Variants in COX7B2 observed in about 807,000 individuals in gnomAD.
The protein encoded by COX7B2 is cytochrome c oxidase subunit 7B2.
For synonymous variants in COX7B2, 37 were observed against 32.1 expected (o/e 1.15, Z -0.51); for missense variants, 109 against 95.9 (o/e 1.14, Z -0.57).
chr4:46,831,768 T>C (rs1403574427), intron 2 of COX7B2, among the ~76,000 whole-genome samples: 1 of 152,148 alleles, frequency 6.6e-6, no homozygotes, highest in East Asian at 1.9e-4. Flanking sequence ...AATGCACCAA[T>C]CAGCACTCTG....
At chr4:46,904,288 A>G (rs1347618946) in intron 1 of COX7B2, among the ~76,000 whole-genome samples, 4 of 152,180 alleles carry the variant, frequency 2.6e-5, no homozygotes, top group African/African-American at 9.6e-5. Flanking sequence ...AAAATATTTC[A>G]AACTCACATG....
chr4:46,898,163 C>CATATCTAAAT (rs1476409539), intron 1 of COX7B2, among the ~76,000 whole-genome samples: 2 of 152,166 alleles, frequency 1.3e-5, no homozygotes, highest in Non-Finnish European at 2.9e-5. Context: ...AGTCATTGGC[C>CATATCTAAAT]ATATCTAAAT....
chr4:46,854,105 G>A (rs1716865616), intron 1 of COX7B2, among the ~76,000 whole-genome samples: 1 of 152,038 alleles, frequency 6.6e-6, no homozygotes, highest in South Asian at 2.1e-4. Flanking sequence ...ATTTTCCAGT[G>A]CCTCTTAATT....
intron 1 of COX7B2, among the ~76,000 whole-genome samples, chr4:46,876,467 G>C (rs186821725): frequency 2.4e-4 from 35 of 146,122 alleles, no homozygotes; most frequent in African/African-American, 8.4e-4. Context: ...GTGCAGTGGC[G>C]CATCTCCGCT....
chr4:46,841,096 A>G (rs1715895745), intron 2 of COX7B2, among the ~76,000 whole-genome samples: 1 of 151,954 alleles, frequency 6.6e-6, no homozygotes, highest in African/African-American at 2.4e-5. Flanking sequence ...AAGAGAGGTA[A>G]GCAAGAACCA....
intron 2 of COX7B2, among the ~76,000 whole-genome samples, chr4:46,828,511 T>C (rs1262936251): frequency 6.6e-6 from 1 of 152,056 alleles, no homozygotes; most frequent in Non-Finnish European, 1.5e-5. Flanking sequence ...CAGGAAATAG[T>C]AAAAATTATA....
At chr4:46,754,722 G>GTATATATA (rs1396491793) in intron 2 of COX7B2, among the ~76,000 whole-genome samples, 18 of 34,110 alleles carry the variant, frequency 5.3e-4, no homozygotes, top group African/African-American at 1.9e-3. Flanking sequence ...GTGTGTGTGT[G>GTATATATA]TGTGTGTATA....
chr4:46,834,458 C>T (rs1715376107), intron 2 of COX7B2, among the ~76,000 whole-genome samples: 1 of 152,018 alleles, frequency 6.6e-6, no homozygotes, highest in Non-Finnish European at 1.5e-5. Context: ...CGAATAAACC[C>T]TAGCACATTT....
chr4:46,834,453 A>ATTTGG (rs1560410420), intron 2 of COX7B2, among the ~76,000 whole-genome samples: 6 of 152,182 alleles, frequency 3.9e-5, no homozygotes, highest in Non-Finnish European at 8.8e-5. Context: ...CTCTGCGAAT[A>ATTTGG]AACCCTAGCA....
rs149194856 is a variant in COX7B2, at chr4:46,844,047, A to G, written c.-50+913T>C. Among the ~76,000 whole-genome samples the G allele has an allele frequency of 5.3e-5, 8 of 152,076 alleles. No homozygotes were observed. In the East Asian group the frequency reaches 1.4e-3, roughly 26 times the overall value. ...GTTTCTGGCTTGTAAGGAAATATCAACATTTGGGTTATTTAGTTTCTACAC... is the reference window on the plus strand; with the variant it reads ...GTTTCTGGCTTGTAAGGAAATATCAGCATTTGGGTTATTTAGTTTCTACAC... On this transcript the variant is annotated intron_variant, in intron 2 of 2. Transcript: ENST00000355591.
chr4:46,743,246 C>T (rs1386567672), intron 2 of COX7B2, among the ~76,000 whole-genome samples: 2 of 152,128 alleles, frequency 1.3e-5, no homozygotes, highest in African/African-American at 4.8e-5. Flanking sequence ...TACAGTTCAC[C>T]AGCTAAGGTC....
chr4:46,736,194 T>C (rs1272411057), intron 2 of COX7B2, among the ~76,000 whole-genome samples: 1 of 152,112 alleles, frequency 6.6e-6, no homozygotes, highest in Non-Finnish European at 1.5e-5. Context: ...ACACCAAAGG[T>C]TTGGTCTCTG....
At chr4:46,874,574 T>A (rs758573007) in intron 1 of COX7B2, among the ~76,000 whole-genome samples, 14 of 152,336 alleles carry the variant, frequency 9.2e-5, no homozygotes, top group Middle Eastern at 3.4e-3. Context: ...TTTTTTTTGT[T>A]CCAAGAGCAG....
At position 46,783,924 on chromosome 4, in the gene COX7B2, C is replaced by T. The variant is rs115330514; in HGVS notation, c.-49-48683G>A. 6.8e-3 allele frequency among the ~76,000 whole-genome samples: 1,038 copies of T among 152,288 alleles called. 9 individuals carry two copies. Among genetic ancestry groups the T allele is most frequent in the African/African-American group, 0.023 (952 of 41,572 alleles). On this transcript the variant is annotated intron_variant, in intron 2 of 2. Transcript: ENST00000355591. ...GCAGTTTTACTTCTCTTTATGGTTTCCTCCTCTTCTACTAAGGCGAGTCCT... is the reference window on the plus strand; with the variant it reads ...GCAGTTTTACTTCTCTTTATGGTTTTCTCCTCTTCTACTAAGGCGAGTCCT...
intron 2 of COX7B2, among the ~76,000 whole-genome samples, chr4:46,809,885 C>T (rs1719197116): frequency 6.6e-6 from 1 of 151,800 alleles, no homozygotes; most frequent in African/African-American, 2.4e-5. Flanking sequence ...ATCTATTTCT[C>T]TTTATGTTCA....
intron 2 of COX7B2, among the ~76,000 whole-genome samples, chr4:46,789,366 T>A (rs1577706775): frequency 6.6e-6 from 1 of 152,188 alleles, no homozygotes; most frequent in Non-Finnish European, 1.5e-5. Context: ...CTTGTTATGT[T>A]AGTTCTGGTC....
chr4:46,808,450 A>G (rs1719117976), intron 2 of COX7B2, among the ~76,000 whole-genome samples: 1 of 151,840 alleles, frequency 6.6e-6, no homozygotes, highest in South Asian at 2.1e-4. Flanking sequence ...TTTTACATAT[A>G]GAATTATATC....
intron 2 of COX7B2, among the ~76,000 whole-genome samples, chr4:46,753,011 C>T (rs1263307298): frequency 1.3e-5 from 2 of 152,092 alleles, no homozygotes; most frequent in African/African-American, 2.4e-5. Context: ...CCTCCTTGTA[C>T]CTCTGGTAGA....
rs140922524 is a variant in COX7B2 at position 46,856,489 on chromosome 4, C to A, written c.-104-11475G>T. Among the ~76,000 whole-genome samples the A allele has an allele frequency of 2.8e-3, 426 of 152,252 alleles. 3 individuals carry two copies. The highest frequency in any genetic ancestry group is 1.0e-2 in the African/African-American group (414 of 41,560). ...GACTAAGGTAATTTGTCATGGAATT[C>A]ATAAGTTCTCCTTCTCAACTGCAAA... On this transcript the variant is annotated intron_variant, in intron 1 of 2. Coordinates refer to ENST00000355591, the MANE Select transcript of COX7B2 (RefSeq NM_130902.3).
Sources: gnomAD v4.1 joint callset for allele counts (sites outside exome capture counted in the v4.1 genomes callset) on GRCh38, gnomAD v4.1.1 for gene constraint, MANE v1.5 for transcripts, NCBI Gene and HGNC (gene_info 2026-07-23, HGNC 2026-07-21) for gene names.